Variants in CTNNA2 observed in about 807,000 individuals in gnomAD.
CTNNA2 encodes the protein catenin alpha-2.
A neutral mutation model predicts 101.0 loss-of-function variants in CTNNA2; 42 were observed. That is an observed-to-expected ratio of 0.42 (90% CI 0.32 to 0.54). CTNNA2 has a LOEUF of 0.54. Among genes scored for constraint, CTNNA2 ranks in the 20% least tolerant of loss-of-function variants. CTNNA2 has a pLI of 0.14. For missense variants in CTNNA2, 871 were observed against 1,223.1 expected (o/e 0.71, Z 4.29); for synonymous variants, 450 against 456.4 (o/e 0.99, Z 0.18).
At chr2:79,528,991 T>C (rs1437850051) in intron 1 of CTNNA2, among the ~76,000 whole-genome samples, 2 of 152,102 alleles carry the variant, frequency 1.3e-5, no homozygotes, top group Non-Finnish European at 2.9e-5. Flanking sequence ...GTAGCAGTGA[T>C]GAAGGAGTGT....
At chr2:79,686,558 AT>A (rs1198296602) in intron 2 of CTNNA2, among the ~76,000 whole-genome samples, 1 of 152,148 alleles carries the variant, frequency 6.6e-6, no homozygotes, top group Non-Finnish European at 1.5e-5. Flanking sequence ...CAAACAAAAA[AT>A]CATTCTACAG....
chr2:79,760,950 C>A (rs201928774), intron 3 of CTNNA2, among the ~76,000 whole-genome samples: 1 of 150,158 alleles, frequency 6.7e-6, no homozygotes, highest in South Asian at 2.1e-4. Flanking sequence ...TTGCCAAAAG[C>A]CAAATATATG....
chr2:79,694,385 T>G (rs1350626209), intron 2 of CTNNA2, among the ~76,000 whole-genome samples: 1 of 151,980 alleles, frequency 6.6e-6, no homozygotes, highest in East Asian at 1.9e-4. Context: ...CAATAATATC[T>G]CCAGCTCTTT....
chr2:80,011,361 G>C (rs534337805), intron 7 of CTNNA2, among the ~76,000 whole-genome samples: 2 of 152,132 alleles, frequency 1.3e-5, no homozygotes, highest in Non-Finnish European at 2.9e-5. Flanking sequence ...AAAATAAAGA[G>C]TTGCTCTAGT....
chr2:79,691,354 T>A (rs916181695), intron 2 of CTNNA2, among the ~76,000 whole-genome samples: 2 of 151,998 alleles, frequency 1.3e-5, no homozygotes, highest in African/African-American at 4.8e-5. Flanking sequence ...ATTATTTCAG[T>A]ACTCATTTAG....
intron 1 of CTNNA2, among the ~76,000 whole-genome samples, chr2:79,617,254 G>A (rs1354532453): frequency 6.6e-6 from 1 of 152,028 alleles, no homozygotes; most frequent in African/African-American, 2.4e-5. Context: ...CCTCTGCCTA[G>A]GAGTGAAAAT....
chr2:79,576,185 CA>C (rs1675786319), intron 1 of CTNNA2, among the ~76,000 whole-genome samples: 1 of 152,132 alleles, frequency 6.6e-6, no homozygotes, highest in African/African-American at 2.4e-5. Flanking sequence ...TTAGTGGTGG[CA>C]ATTTCAATGG....
At chr2:80,163,649 G>T (rs1704477990) in intron 7 of CTNNA2, among the ~76,000 whole-genome samples, 1 of 151,948 alleles carries the variant, frequency 6.6e-6, no homozygotes, top group African/African-American at 2.4e-5. Context: ...CTTATTGATT[G>T]GTACTGTTGA....
At chr2:79,685,101 C>G (rs1229063252) in intron 2 of CTNNA2, among the ~76,000 whole-genome samples, 1 of 152,032 alleles carries the variant, frequency 6.6e-6, no homozygotes, top group Admixed American at 6.6e-5. Flanking sequence ...TTAAATATTC[C>G]TTTACTCTGT....
intron 3 of CTNNA2, among the ~76,000 whole-genome samples, chr2:79,856,328 G>A (rs1240857123): frequency 1.3e-5 from 2 of 152,150 alleles, no homozygotes; most frequent in Non-Finnish European, 2.9e-5. Context: ...ATTCTGATCG[G>A]CCTATAAAAT....
chr2:79,321,157 C>T (rs1210446467), intron 3 of CTNNA2, among the ~76,000 whole-genome samples: 1 of 150,294 alleles, frequency 6.7e-6, no homozygotes, highest in Non-Finnish European at 1.5e-5. Context: ...ATAATCACAC[C>T]AACTTTTTGA....
chr2:79,434,891 C>T (rs148882728), intron 4 of CTNNA2, among the ~76,000 whole-genome samples: 6 of 152,258 alleles, frequency 3.9e-5, no homozygotes, highest in Non-Finnish European at 8.8e-5. Flanking sequence ...TTCTTCCAGT[C>T]CTGCCCCACA....
At chr2:79,752,808 G>C (rs550164648) in intron 3 of CTNNA2, among the ~76,000 whole-genome samples, 31 of 152,224 alleles carry the variant, frequency 2.0e-4, no homozygotes, top group African/African-American at 7.5e-4. Flanking sequence ...TTGCCTGCTT[G>C]CTTATTGTTT....
At chr2:80,621,668 A>T (rs1161707408) in intron 18 of CTNNA2, among the ~76,000 whole-genome samples, 1 of 151,974 alleles carries the variant, frequency 6.6e-6, no homozygotes, top group African/African-American at 2.4e-5. Context: ...AAAGTTTAAA[A>T]TTACCTATGT....
intron 7 of CTNNA2, among the ~76,000 whole-genome samples, chr2:79,925,505 C>T (rs1401770902): frequency 3.3e-5 from 5 of 152,062 alleles, no homozygotes; most frequent in African/African-American, 1.2e-4. Flanking sequence ...AACACCCATT[C>T]ACCAAATAAT....
At chr2:79,274,440 A>T (rs1675161100) in intron 2 of CTNNA2, among the ~76,000 whole-genome samples, 1 of 152,086 alleles carries the variant, frequency 6.6e-6, no homozygotes, top group South Asian at 2.1e-4. Flanking sequence ...TTACTAAAAC[A>T]TCTTTAGCTT....
chr2:80,084,863 T>A (rs1699348803), intron 7 of CTNNA2, among the ~76,000 whole-genome samples: 1 of 151,990 alleles, frequency 6.6e-6, no homozygotes, highest in African/African-American at 2.4e-5. Context: ...TGAAAAAAAA[T>A]TGTGAAGGCT....
chr2:80,591,145 T>C (rs538829574), intron 15 of CTNNA2, among the ~76,000 whole-genome samples: 2 of 152,272 alleles, frequency 1.3e-5, no homozygotes, highest in South Asian at 2.1e-4. Context: ...ATGAAAGATA[T>C]ATTTGAGGGG....
chr2:80,609,410 C>T (rs1698280023), intron 17 of CTNNA2, among the ~76,000 whole-genome samples: 1 of 151,752 alleles, frequency 6.6e-6, no homozygotes, highest in Non-Finnish European at 1.5e-5. Flanking sequence ...TCTGGAAAGC[C>T]TGTTTCATGC....
Sources: gnomAD v4.1 joint callset for allele counts (sites outside exome capture counted in the v4.1 genomes callset) on GRCh38, gnomAD v4.1.1 for gene constraint, MANE v1.5 for transcripts, NCBI Gene and HGNC (gene_info 2026-07-23, HGNC 2026-07-21) for gene names.